ADGRE3: variants seen among roughly 807,000 people sequenced by gnomAD.
ADGRE3 encodes the protein adhesion G protein-coupled receptor E3.
Under a neutral mutation model 80.1 loss-of-function variants are expected in ADGRE3, and 88 were observed. That is an observed-to-expected ratio of 1.10 (90% CI 0.93 to 1.31). The LOEUF (loss-of-function observed/expected upper bound fraction) is 1.31. Ranked by LOEUF, ADGRE3 falls within the 40% of genes most tolerant of loss-of-function variation. The probability of loss-of-function intolerance (pLI) is 0.00; values close to 1 mark genes in which losing one functional copy is unlikely to be tolerated. For missense variants in ADGRE3, 715 were observed against 776.5 expected, an observed-to-expected ratio of 0.92 and a Z score of 0.94; for synonymous variants, 281 against 294.8, an observed-to-expected ratio of 0.95 and a Z score of 0.48.
chr19:14,659,040 T>C (rs374763384), intron 4 of ADGRE3, among the ~76,000 whole-genome samples: 11 of 135,256 alleles, frequency 8.1e-5, no homozygotes, highest in East Asian at 6.3e-4. Flanking sequence ...GCTTTTTTTT[T>C]CCCTTTTTTT....
chr19:14,608,509 G>A, the ADGRE3 span, among the ~76,000 whole-genome samples: 1 of 152,042 alleles, frequency 6.6e-6, no homozygotes, highest in African/African-American at 2.4e-5. Flanking sequence ...TCTGGACCCT[G>A]AACCTTCAAT....
chr19:14,662,539 C>T (rs908968013), intron 3 of ADGRE3, among the ~76,000 whole-genome samples: 2 of 152,106 alleles, frequency 1.3e-5, no homozygotes, highest in Non-Finnish European at 2.9e-5. Flanking sequence ...GCATGCACCA[C>T]CACGCCCGGC....
chr19:14,620,559 TA>T (rs1970564124), intron 15 of ADGRE3, among the ~76,000 whole-genome samples: 1 of 38,446 alleles, frequency 2.6e-5, no homozygotes, highest in African/African-American at 1.2e-4. Context: ...TATATATATA[TA>T]TATATATATT....
chr19:14,610,228 GAGTGTCTCTTTGAGATGAGA>G, the ADGRE3 span: 1 of 1,547,412 alleles, frequency 6.5e-7, no homozygotes, highest in African/African-American at 1.4e-5. Context: ...GTCCATATCT[GAGTGTCTCTTTGAGATGAGA>G]ATCTCCTGCC....
intron 15 of ADGRE3, among the ~76,000 whole-genome samples, chr19:14,620,516 C>CATATGAA (rs1292076479): frequency 1.7e-3 from 54 of 31,110 alleles, no homozygotes; most frequent in Non-Finnish European, 2.7e-3. Flanking sequence ...TATATTATGA[C>CATATGAA]TATATATGAA....
chr19:14,618,675 G>A (rs747076986), downstream of ADGRE3, among the ~76,000 whole-genome samples: 7 of 151,188 alleles, frequency 4.6e-5, no homozygotes, highest in Admixed American at 4.6e-4. Context: ...TGACCAACAT[G>A]GAGAAACCCT....
chr19:14,666,213 C>A (rs1972102844), intron 2 of ADGRE3, among the ~76,000 whole-genome samples: 1 of 151,322 alleles, frequency 6.6e-6, no homozygotes, highest in African/African-American at 2.4e-5. Flanking sequence ...GTTTTAATTC[C>A]CACCAATAGT....
chr19:14,662,339 A>T (rs181196468), intron 3 of ADGRE3, among the ~76,000 whole-genome samples: 34 of 151,178 alleles, frequency 2.2e-4, no homozygotes, highest in Admixed American at 2.0e-3. Context: ...TTTATTTGGG[A>T]GGGGATCCCA....
intron 7 of ADGRE3, among the ~76,000 whole-genome samples, chr19:14,650,629 ATCTCTCTCTCTCTCTCTC>A (rs376333448): frequency 1.6e-3 from 39 of 24,912 alleles, no homozygotes; most frequent in Middle Eastern, 0.021. Flanking sequence ...CTCTGTCTCC[ATCTCTCTCTCTCTCTCTC>A]TCTCTCTCTC....
intron 10 of ADGRE3, among the ~76,000 whole-genome samples, chr19:14,639,013 C>T (rs1971176892): frequency 6.6e-6 from 1 of 151,916 alleles, no homozygotes; most frequent in Admixed American, 6.6e-5. Context: ...GTGATCCTCC[C>T]ACCTCAGCCT....
At chr19:14,660,729 G>A (rs563762389) in intron 4 of ADGRE3, among the ~76,000 whole-genome samples, 2 of 151,776 alleles carry the variant, frequency 1.3e-5, no homozygotes, top group Non-Finnish European at 2.9e-5. Context: ...TCCCATCCAT[G>A]TTTTCCATGG....
intron 11 of ADGRE3, among the ~76,000 whole-genome samples, chr19:14,633,636 C>T (rs979405539): frequency 2.0e-5 from 3 of 149,970 alleles, no homozygotes; most frequent in Non-Finnish European, 3.0e-5. Flanking sequence ...ACTCGGTAAG[C>T]GGAGCTTGCA....
intron 1 of ADGRE3, among the ~76,000 whole-genome samples, chr19:14,673,669 G>C (rs1036355284): frequency 6.6e-6 from 1 of 152,192 alleles, no homozygotes; most frequent in Non-Finnish European, 1.5e-5. Context: ...TGAGCATACT[G>C]ATGATGCAAC....
chr19:14,611,371 C>CTTT, the ADGRE3 span, among the ~76,000 whole-genome samples: 42 of 75,948 alleles, frequency 5.5e-4, no homozygotes, highest in Admixed American at 7.0e-4. Flanking sequence ...AACTTCTATC[C>CTTT]TTTTTTTTTT....
At chr19:14,672,066 G>T (rs949318383) in intron 1 of ADGRE3, among the ~76,000 whole-genome samples, 1 of 152,118 alleles carries the variant, frequency 6.6e-6, no homozygotes, top group African/African-American at 2.4e-5. Flanking sequence ...ACATGAATGT[G>T]TAGCAGCCAC....
chr19:14,637,582 G>A (rs1195386317), intron 11 of ADGRE3, among the ~76,000 whole-genome samples: 1 of 148,998 alleles, frequency 6.7e-6, no homozygotes, highest in Non-Finnish European at 1.5e-5. Flanking sequence ...TTAATCTTTA[G>A]TAGACACAAG....
intron 15 of ADGRE3, among the ~76,000 whole-genome samples, chr19:14,620,396 A>G (rs1207493645): frequency 1.6e-5 from 2 of 121,408 alleles, no homozygotes; most frequent in African/African-American, 6.5e-5. Flanking sequence ...ATACATGTAT[A>G]TATGAATATA....
chr19:14,643,178 G>C (rs576142246), intron 9 of ADGRE3, among the ~76,000 whole-genome samples: 28 of 133,640 alleles, frequency 2.1e-4, no homozygotes, highest in African/African-American at 7.9e-4. Flanking sequence ...ACAGAGTCTC[G>C]CTCTGTCGCC....
chr19:14,633,637 G>A (rs543268752), intron 11 of ADGRE3, among the ~76,000 whole-genome samples: 3 of 151,024 alleles, frequency 2.0e-5, no homozygotes, highest in South Asian at 2.1e-4. Context: ...CTCGGTAAGC[G>A]GAGCTTGCAG....
Sources: allele counts gnomAD v4.1 joint callset (sites outside exome capture counted in the v4.1 genomes callset), GRCh38; gene constraint gnomAD v4.1.1; transcripts MANE v1.5; gene names NCBI Gene and HGNC (gene_info 2026-07-23, HGNC 2026-07-21).